Variants in LHFPL2 observed in about 807,000 individuals in gnomAD.
The protein encoded by LHFPL2 is LHFPL tetraspan subfamily member 2 protein.
LHFPL2 carries 7 observed loss-of-function variants against 17.5 expected under a neutral mutation model. The observed-to-expected ratio is 0.40, with a 90% CI of 0.23 to 0.75. The LOEUF is 0.75. Ranked by LOEUF, LHFPL2 falls within the 30% of genes least tolerant of loss-of-function variation. The pLI, the probability that LHFPL2 is intolerant of heterozygous loss-of-function variation, is 0.37. For missense variants in LHFPL2, 241 were observed against 294.8 expected (o/e 0.82, Z 1.34); for synonymous variants, 134 against 116.2 (o/e 1.15, Z -0.99).
At chr5:78,509,118 T>C (rs1415471599) in intron 4 of LHFPL2, among the ~76,000 whole-genome samples, 1 of 152,238 alleles carries the variant, frequency 6.6e-6, no homozygotes, top group South Asian at 2.1e-4. Flanking sequence ...CACCCATTTC[T>C]AATAAGCTCG....
At chr5:78,514,996 T>G (rs1250718237) in intron 3 of LHFPL2, among the ~76,000 whole-genome samples, 2 of 152,162 alleles carry the variant, frequency 1.3e-5, no homozygotes, top group Non-Finnish European at 2.9e-5. Flanking sequence ...TGAAAATGAG[T>G]TGCAGATGTT....
At chr5:78,578,683 G>C (rs1757197763) in intron 2 of LHFPL2, among the ~76,000 whole-genome samples, 1 of 151,878 alleles carries the variant, frequency 6.6e-6, no homozygotes. Flanking sequence ...CTAGAGACAT[G>C]TACTTTACCA....
rs1561352310 is a variant in LHFPL2, at chr5:78,584,993, G to GTTTTTTT, written c.-244-20123_-244-20122insAAAAAAA. ...GCGGGATATAATCTCCTGGTGCGCT[G>GTTTTTTT]TGTTTTTTTTTTTTTTTTTTTTTTT... On this transcript the variant is annotated intron_variant, in intron 2 of 4. Transcript: ENST00000380345. Among the ~76,000 whole-genome samples, 155 of 84,772 alleles carry GTTTTTTT rather than the reference G, an allele frequency of 1.8e-3. 24 individuals carry two copies. Among genetic ancestry groups the GTTTTTTT allele is most frequent in the African/African-American group, 7.3e-3 (148 of 20,190 alleles). 55.6% of individuals were successfully genotyped at this position (84,772 alleles called of 152,430 possible).
intron 2 of LHFPL2, among the ~76,000 whole-genome samples, chr5:78,615,506 A>G (rs1215977711): frequency 6.6e-6 from 1 of 152,232 alleles, no homozygotes; most frequent in Non-Finnish European, 1.5e-5. Context: ...ACTGTTTTCT[A>G]AAAACAAATC....
At chr5:78,517,783 G>A (rs1263193828) in intron 3 of LHFPL2, among the ~76,000 whole-genome samples, 1 of 152,196 alleles carries the variant, frequency 6.6e-6, no homozygotes, top group Non-Finnish European at 1.5e-5. Context: ...TTTGGGTGGG[G>A]ACACAGCCAA....
rs557514909 is a variant in LHFPL2, at chr5:78,551,037, C to T, written c.-186+13776G>A. Among the ~76,000 whole-genome samples, 9 of 152,328 alleles carry T rather than the reference C, an allele frequency of 5.9e-5. No homozygotes were observed. In the South Asian group the frequency reaches 1.9e-3, roughly 32 times the overall value. On this transcript the variant is annotated intron_variant, in intron 3 of 4. Coordinates refer to ENST00000380345, the MANE Select transcript of LHFPL2 (RefSeq NM_005779.3). ...GACAGAGCAGTCAGTGGCCAATTTA[C>T]TAACTTGGACTCAAAACATCCTACC...
chr5:78,637,317 A>G (rs1207344223), intron 1 of LHFPL2, among the ~76,000 whole-genome samples: 1 of 151,744 alleles, frequency 6.6e-6, no homozygotes, highest in East Asian at 1.9e-4. Context: ...GAAGGAAGTT[A>G]GAGCCTTCCT....
chr5:78,506,093 C>G (rs1399473867), intron 4 of LHFPL2, among the ~76,000 whole-genome samples: 2 of 152,242 alleles, frequency 1.3e-5, no homozygotes, highest in Non-Finnish European at 2.9e-5. Context: ...ATTCACATAA[C>G]AGGCAATGAT....
chr5:78,567,735 T>A (rs1258800802), intron 2 of LHFPL2, among the ~76,000 whole-genome samples: 1 of 152,086 alleles, frequency 6.6e-6, no homozygotes, highest in Non-Finnish European at 1.5e-5. Flanking sequence ...AGAAGTGGTG[T>A]TAATATTCAA....
At chr5:78,578,799 T>C (rs886167169) in intron 2 of LHFPL2, among the ~76,000 whole-genome samples, 7 of 152,246 alleles carry the variant, frequency 4.6e-5, no homozygotes, top group African/African-American at 1.7e-4. Context: ...CATTCCACTC[T>C]ACTCCATCTC....
At chr5:78,554,684 C>G (rs1554055221) in intron 3 of LHFPL2, among the ~76,000 whole-genome samples, 1 of 152,234 alleles carries the variant, frequency 6.6e-6, no homozygotes, top group Non-Finnish European at 1.5e-5. Flanking sequence ...AAATAAAACA[C>G]TGCCATGGCT....
chr5:78,523,652 G>A (rs1176713088), intron 3 of LHFPL2, among the ~76,000 whole-genome samples: 1 of 152,172 alleles, frequency 6.6e-6, no homozygotes, highest in Admixed American at 6.5e-5. Context: ...GCCAGTGGAC[G>A]TCATTGACAG....
chr5:78,641,452 C>T (rs1489214013), intron 1 of LHFPL2, among the ~76,000 whole-genome samples: 1 of 152,148 alleles, frequency 6.6e-6, no homozygotes, highest in Non-Finnish European at 1.5e-5. Flanking sequence ...AAATATTCTT[C>T]TTTCAAATAC....
chr5:78,631,935 CAAA>C (rs35424661), intron 2 of LHFPL2, among the ~76,000 whole-genome samples: 6 of 104,542 alleles, frequency 5.7e-5, no homozygotes, highest in African/African-American at 6.9e-5. Flanking sequence ...GACTCCATCT[CAAA>C]AAAAAAAAAA....
chr5:78,524,492 A>G (rs146864001), intron 3 of LHFPL2, among the ~76,000 whole-genome samples: 13 of 152,316 alleles, frequency 8.5e-5, no homozygotes, highest in East Asian at 5.8e-4. Context: ...CTGTAAACCT[A>G]GCACTTTGGG....
chr5:78,554,401 T>G (rs1328385001), intron 3 of LHFPL2, among the ~76,000 whole-genome samples: 1 of 152,242 alleles, frequency 6.6e-6, no homozygotes, highest in Non-Finnish European at 1.5e-5. Flanking sequence ...GATGGAAGTC[T>G]CATAGAATTC....
At chr5:78,510,731 A>G (rs957991936) in intron 3 of LHFPL2, among the ~76,000 whole-genome samples, 2 of 151,558 alleles carry the variant, frequency 1.3e-5, no homozygotes, top group Non-Finnish European at 2.9e-5. Context: ...CTCATCTTTT[A>G]CTGGAAAAAG....
intron 3 of LHFPL2, among the ~76,000 whole-genome samples, chr5:78,559,418 T>G (rs1250538204): frequency 6.6e-6 from 1 of 152,162 alleles, no homozygotes; most frequent in Non-Finnish European, 1.5e-5. Context: ...TTATAGTCCA[T>G]CAAGGGAAGC....
At position 78,533,227 on chromosome 5, in the gene LHFPL2, T is replaced by C. The variant is rs573970161; in HGVS notation, c.-185-22829A>G. Among the ~76,000 whole-genome samples, 22 of 152,218 alleles carry C rather than the reference T, an allele frequency of 1.4e-4. 1 individual carries two copies. The South Asian group carries it at 3.7e-3, about 26-fold the overall frequency. On this transcript the variant is annotated intron_variant, in intron 3 of 4. Coordinates refer to ENST00000380345, the MANE Select transcript of LHFPL2 (RefSeq NM_005779.3). ...CCCCCATTCCTGATACTGCTCCCAATAAAAGAGAAACATCACTATATGAAG... is the reference window on the plus strand; with the variant it reads ...CCCCCATTCCTGATACTGCTCCCAACAAAAGAGAAACATCACTATATGAAG...
Sources: gnomAD v4.1 joint callset for allele counts (sites outside exome capture counted in the v4.1 genomes callset) on GRCh38, gnomAD v4.1.1 for gene constraint, MANE v1.5 for transcripts, NCBI Gene and HGNC (gene_info 2026-07-23, HGNC 2026-07-21) for gene names.